KLHL6: variants seen among roughly 807,000 people sequenced by gnomAD.
KLHL6 encodes the protein kelch-like protein 6.
Under a neutral mutation model 58.6 loss-of-function variants are expected in KLHL6, and 41 were observed. The ratio of observed to expected loss-of-function variants is 0.70; its 90% CI spans 0.55 to 0.91. KLHL6 has a LOEUF of 0.91. Among genes scored for constraint, KLHL6 ranks in the 40% least tolerant of loss-of-function variants. The probability of loss-of-function intolerance (pLI) is 0.00; values close to 1 mark genes in which losing one functional copy is unlikely to be tolerated. For synonymous variants in KLHL6, 338 were observed against 322.7 expected, an observed-to-expected ratio of 1.05 and a Z score of -0.51; for missense variants, 714 against 805.6, an observed-to-expected ratio of 0.89 and a Z score of 1.38.
At chr3:183,553,402 A>AGC (rs1367070047) in intron 1 of KLHL6, among the ~76,000 whole-genome samples, 1 of 152,224 alleles carries the variant, frequency 6.6e-6, no homozygotes, top group Non-Finnish European at 1.5e-5. Context: ...GCACACAGCC[A>AGC]GCGGGCCTGG....
intron 1 of KLHL6, among the ~76,000 whole-genome samples, chr3:183,531,878 A>C (rs921732721): frequency 1.3e-5 from 2 of 152,228 alleles, no homozygotes; most frequent in Admixed American, 1.3e-4. Context: ...TTTAGGATGA[A>C]TTATACATAA....
intron 2 of KLHL6, among the ~76,000 whole-genome samples, chr3:183,526,215 G>A (rs1560103868): frequency 6.6e-6 from 1 of 152,196 alleles, no homozygotes; most frequent in Non-Finnish European, 1.5e-5. Flanking sequence ...GGAGGCTGAG[G>A]CAGGAGAATT....
Position 183,554,005 on chromosome 3 carries a change from C to T in KLHL6, c.293+1356G>A, listed in dbSNP as rs117693170. Among the ~76,000 whole-genome samples, 204 of 151,554 alleles carry T rather than the reference C, an allele frequency of 1.3e-3. 2 individuals are homozygous for T. The East Asian group carries it at 0.024, about 18-fold the overall frequency. On this transcript the variant is annotated intron_variant, in intron 1 of 6. Coordinates refer to ENST00000341319, the MANE Select transcript of KLHL6 (RefSeq NM_130446.4). ...AAAAAAAAAAAAGAAAGAAAGAAAA[C>T]GCTTTCCATAATACTTTCATAGGTT...
rs1443886899 is a variant in KLHL6, at chr3:183,491,041, T to G, written c.*886A>C. 6.6e-6 allele frequency: 1 copy of G among 152,252 alleles called. No homozygotes were observed. The highest frequency in any genetic ancestry group is 1.5e-5 in the Non-Finnish European group (1 of 68,054). The allele number at this position is 152,252 out of a possible 1,614,324, so 9.4% of individuals were successfully genotyped here. On this transcript the variant is annotated 3_prime_UTR_variant, in exon 7 of 7. Coordinates refer to ENST00000341319, the MANE Select transcript of KLHL6 (RefSeq NM_130446.4). ...AGGAAACACCTTTATTTCCCTGCTGTGCTGAGTGAATCTTTTAGCAGACTT... is the reference window on the plus strand; with the variant it reads ...AGGAAACACCTTTATTTCCCTGCTGGGCTGAGTGAATCTTTTAGCAGACTT...
At chr3:183,528,468 T>C (rs891724515) in intron 1 of KLHL6, among the ~76,000 whole-genome samples, 1 of 152,216 alleles carries the variant, frequency 6.6e-6, no homozygotes, top group Non-Finnish European at 1.5e-5. Context: ...CTCCTGTAGC[T>C]GCCTCTCACC....
chr3:183,555,302 T>C, intron 1 of KLHL6, 59 bp downstream of exon 1: 1 of 1,477,862 alleles, frequency 6.8e-7, no homozygotes, highest in Non-Finnish European at 9.4e-7. Context: ...GCTCTCACAC[T>C]AACACACCTC....
chr3:183,512,300 A>T (rs11706225), intron 2 of KLHL6, among the ~76,000 whole-genome samples: 65,780 of 151,974 alleles, frequency 0.43, 16,870 homozygotes, highest in Non-Finnish European at 0.58. Flanking sequence ...AACTTAGACT[A>T]CTCTGGGAGG....
chr3:183,533,179 G>T (rs547840981), intron 1 of KLHL6, among the ~76,000 whole-genome samples: 146 of 152,194 alleles, frequency 9.6e-4, no homozygotes, highest in African/African-American at 3.4e-3. Flanking sequence ...ACACGGAGGG[G>T]ATTACACCTC....
chr3:183,524,582 G>T (rs1711886721), intron 2 of KLHL6, among the ~76,000 whole-genome samples: 1 of 152,212 alleles, frequency 6.6e-6, no homozygotes, highest in Non-Finnish European at 1.5e-5. Flanking sequence ...CTGGCCAGCA[G>T]CTCATGACGT....
intron 1 of KLHL6, among the ~76,000 whole-genome samples, chr3:183,551,256 T>C (rs1488722330): frequency 1.3e-5 from 2 of 152,018 alleles, no homozygotes; most frequent in East Asian, 3.8e-4. Flanking sequence ...CCATTCAACA[T>C]AGCAGACAGT....
At chr3:183,519,287 C>CG in intron 2 of KLHL6, among the ~76,000 whole-genome samples, 1 of 152,036 alleles carries the variant, frequency 6.6e-6, no homozygotes, top group Non-Finnish European at 1.5e-5. Context: ...CTGCAAGGAC[C>CG]AATGACCAGA....
chr3:183,495,296 G>A (rs1168651541), intron 4 of KLHL6, among the ~76,000 whole-genome samples: 3 of 151,988 alleles, frequency 2.0e-5, no homozygotes, highest in Admixed American at 1.3e-4. Flanking sequence ...TGGTGGTGGT[G>A]GTTTTGTTTT....
chr3:183,536,676 C>T (rs775786160), intron 1 of KLHL6, among the ~76,000 whole-genome samples: 4 of 152,202 alleles, frequency 2.6e-5, no homozygotes, highest in Non-Finnish European at 4.4e-5. Flanking sequence ...CCTGGCACCT[C>T]GTCAGCACTC....
chr3:183,555,629 C>T lies in KLHL6; in HGVS notation c.25G>A (p.Ala9Thr), dbSNP rs376100820. 1.3e-5 allele frequency: 21 copies of T among 1,604,920 alleles called. No individual in the cohort carries two copies. In the East Asian group the frequency reaches 1.3e-4, roughly 10 times the overall value. MLMAGQRGAWTMGDVVEKS... is the reference protein window; with the variant it reads MLMAGQRGTWTMGDVVEKS... ...TCGACCACATCACCCATGGTCCAGG[C>T]GCCCCTTTGTCCTGCCATCAACATC... Residue 9 changes from alanine (A) to threonine (T), a missense_variant, in exon 1 of 7, where the codon GCC becomes ACC. This residue lies in a region of KLHL6 where 204 missense variants were observed against 175.9 expected (regional missense o/e 1.16). Coordinates refer to ENST00000341319, the MANE Select transcript of KLHL6 (RefSeq NM_130446.4).
Position 183,508,336 on chromosome 3 carries a change from A to G in KLHL6, c.632T>C (p.Leu211Pro). The change falls in exon 3 of 7, where the codon CTT (leucine) becomes CCT (proline). Residue 211 changes from leucine (L) to proline (P), a missense_variant. Around this residue, in one of 2 missense-constraint regions of KLHL6, gnomAD observed 510 missense variants for 629.7 expected, o/e 0.81. Coordinates refer to ENST00000341319, the MANE Select transcript of KLHL6 (RefSeq NM_130446.4). ...GTGCAGAGTGTCCACGGGCAGGTCA[A>G]GAAACTCCTCAGAGTTCAGAATCTG... ...FVQILNSEEF[L>P]DLPVDTLHHI... 6.2e-7 allele frequency: 1 copy of G among 1,614,240 alleles called. No individual in the cohort carries two copies. Among genetic ancestry groups the G allele is most frequent in the Non-Finnish European group, 8.5e-7 (1 of 1,180,032 alleles).
chr3:183,553,768 T>C (rs1016678568), intron 1 of KLHL6, among the ~76,000 whole-genome samples: 1 of 152,036 alleles, frequency 6.6e-6, no homozygotes, highest in Non-Finnish European at 1.5e-5. Flanking sequence ...TGAGTTTTCA[T>C]TTCCTCATCT....
intron 1 of KLHL6, among the ~76,000 whole-genome samples, chr3:183,539,294 G>A (rs1157903391): frequency 6.6e-6 from 1 of 152,202 alleles, no homozygotes; most frequent in African/African-American, 2.4e-5. Context: ...GAGGCCTATG[G>A]CTGCCTCCCG....
chr3:183,526,376 T>C (rs146902679), intron 2 of KLHL6, among the ~76,000 whole-genome samples: 396 of 152,332 alleles, frequency 2.6e-3, no homozygotes, highest in Admixed American at 5.9e-3. Flanking sequence ...TATAAACTTC[T>C]GTCCCTTATG....
At chr3:183,534,005 C>T (rs1382666541) in intron 1 of KLHL6, among the ~76,000 whole-genome samples, 1 of 119,170 alleles carries the variant, frequency 8.4e-6, no homozygotes, top group Admixed American at 8.9e-5. Flanking sequence ...AATTTACAGA[C>T]CAGTTTCCTC....
Sources: gnomAD v4.1 joint callset for allele counts (sites outside exome capture counted in the v4.1 genomes callset) on GRCh38, gnomAD v4.1.1 for gene constraint, gnomAD v4.1.1 regional missense constraint, MANE v1.5 for transcripts, NCBI Gene and HGNC (gene_info 2026-07-23, HGNC 2026-07-21) for gene names.